Variants in ZPBP observed in about 807,000 individuals in gnomAD.
ZPBP encodes zona pellucida-binding protein 1.
In ZPBP, 26 loss-of-function variants were observed where a neutral mutation model predicts 44.8. That is an observed-to-expected ratio of 0.58 (90% CI 0.43 to 0.81). The LOEUF (loss-of-function observed/expected upper bound fraction) is 0.81, where lower values mean the gene tolerates loss of function less well. Among genes scored for constraint, ZPBP ranks in the 30% least tolerant of loss-of-function variants. The pLI is 0.00. For synonymous variants in ZPBP, 174 were observed against 153.2 expected (o/e 1.14, Z -1.00); for missense variants, 409 against 434.0 (o/e 0.94, Z 0.51).
intron 2 of ZPBP, among the ~76,000 whole-genome samples, chr7:49,889,363 A>G (rs594773): frequency 0.018 from 2,745 of 152,338 alleles, 90 homozygotes; most frequent in African/African-American, 0.063. Flanking sequence ...AAAATAAGAC[A>G]GTATAATTTA....
chr7:49,956,871 C>G (rs1795619819), intron 7 of ZPBP, among the ~76,000 whole-genome samples: 1 of 152,170 alleles, frequency 6.6e-6, no homozygotes, highest in African/African-American at 2.4e-5. Context: ...TAGGAGAAAT[C>G]ACACCACCAA....
intron 2 of ZPBP, among the ~76,000 whole-genome samples, chr7:49,875,104 G>GTTTTTCAGTTACAAGAATTAT (rs1307252720): frequency 6.6e-6 from 1 of 151,468 alleles, no homozygotes; most frequent in Non-Finnish European, 1.5e-5. Flanking sequence ...GGGCACGGTG[G>GTTTTTCAGTTACAAGAATTAT]CTCATGCCTG....
Position 50,057,056 on chromosome 7 carries a change from G to A in ZPBP, c.487+933C>T, listed in dbSNP as rs139927993. Among the ~76,000 whole-genome samples the A allele has an allele frequency of 2.8e-3, 431 of 152,112 alleles. 3 individuals carry two copies. The highest frequency in any genetic ancestry group is 9.6e-3 in the African/African-American group (399 of 41,514). On this transcript the variant is annotated intron_variant, in intron 4 of 7. Coordinates refer to ENST00000046087, the MANE Select transcript of ZPBP (RefSeq NM_007009.3). ...AAAAATTAGCCAGGCGTGGTGGCAC[G>A]TGCCTGTAGTCCCAGCTAGTCGGGA...
intron 3 of ZPBP, among the ~76,000 whole-genome samples, chr7:50,062,712 C>A (rs1801304014): frequency 6.6e-6 from 1 of 152,098 alleles, no homozygotes. Flanking sequence ...AAGGGCAAAG[C>A]AAGATGGCTG....
intron 4 of ZPBP, chr7:50,056,289 T>C (rs1017034206): frequency 6.6e-6 from 1 of 152,226 alleles, no homozygotes; most frequent in Admixed American, 6.5e-5. Context: ...TTGTCATTTC[T>C]AGCTGTAGTG....
intron 7 of ZPBP, among the ~76,000 whole-genome samples, chr7:49,974,516 G>A (rs1687745406): frequency 1.3e-5 from 2 of 151,794 alleles, no homozygotes; most frequent in South Asian, 4.2e-4. Flanking sequence ...TAATAATGAT[G>A]GCAATGAAAA....
chr7:50,066,908 C>T (rs1801533009), intron 3 of ZPBP, among the ~76,000 whole-genome samples: 1 of 152,126 alleles, frequency 6.6e-6, no homozygotes, highest in African/African-American at 2.4e-5. Flanking sequence ...TTGGCTAATC[C>T]ACTGGTCGTC....
Position 49,891,097 on chromosome 7 carries a change from A to G in ZPBP, n.509+10021T>C, listed in dbSNP as rs546530812. ...CAAAGATTTTCAAACACAGTTTCTT[A>G]AACTCCATATTCTGCTTTCAAGGGA... On this transcript the variant is annotated intron_variant and non_coding_transcript_variant, in intron 2 of 2. Transcript: ENST00000465922. 2.6e-5 allele frequency among the ~76,000 whole-genome samples: 4 copies of G among 152,338 alleles called. No individual in the cohort carries two copies. The East Asian group carries it at 7.7e-4, about 29-fold the overall frequency.
chr7:49,982,569 C>T (rs993430977), intron 7 of ZPBP, among the ~76,000 whole-genome samples: 5 of 150,682 alleles, frequency 3.3e-5, no homozygotes, highest in African/African-American at 1.2e-4. Flanking sequence ...AAAAGGAAGA[C>T]CCTCACTGAA....
At chr7:50,055,502 G>A (rs2128828515) in intron 4 of ZPBP, among the ~76,000 whole-genome samples, 1 of 152,236 alleles carries the variant, frequency 6.6e-6, no homozygotes, top group East Asian at 1.9e-4. Context: ...TCTAGGACCA[G>A]AATTCCTAAA....
At chr7:49,884,057 TCA>T (rs1791793519) in intron 2 of ZPBP, among the ~76,000 whole-genome samples, 1 of 152,196 alleles carries the variant, frequency 6.6e-6, no homozygotes, top group Non-Finnish European at 1.5e-5. Context: ...CCTTGGGGCA[TCA>T]CACACTTCAA....
At chr7:49,957,138 G>A (rs1483084) in intron 7 of ZPBP, among the ~76,000 whole-genome samples, 118,227 of 152,052 alleles carry the variant, frequency 0.78, 46,140 homozygotes, top group East Asian at 0.89. Flanking sequence ...CCATCATAAG[G>A]TTACACAATG....
intron 5 of ZPBP, among the ~76,000 whole-genome samples, chr7:50,023,332 T>A (rs751697744): frequency 6.6e-6 from 1 of 152,034 alleles, no homozygotes; most frequent in Admixed American, 6.6e-5. Context: ...ATTACCACTA[T>A]ATTTACAGTG....
intron 4 of ZPBP, among the ~76,000 whole-genome samples, chr7:50,042,073 A>G (rs1800121356): frequency 6.6e-6 from 1 of 152,214 alleles, no homozygotes; most frequent in South Asian, 2.1e-4. Flanking sequence ...AAAGGATATC[A>G]GAGATTGAAG....
chr7:50,028,130 C>T (rs970497356), intron 5 of ZPBP, among the ~76,000 whole-genome samples: 15 of 151,930 alleles, frequency 9.9e-5, no homozygotes, highest in African/African-American at 3.1e-4. Context: ...ATTATGAATG[C>T]AAAATTCTTA....
chr7:49,944,622 G>A (rs1795025453), intron 7 of ZPBP, among the ~76,000 whole-genome samples: 1 of 152,074 alleles, frequency 6.6e-6, no homozygotes, highest in African/African-American at 2.4e-5. Flanking sequence ...GTATCTGTCT[G>A]GGAATGTCTT....
At chr7:50,060,535 T>C (rs1801190836) in intron 3 of ZPBP, among the ~76,000 whole-genome samples, 1 of 152,100 alleles carries the variant, frequency 6.6e-6, no homozygotes. Context: ...TACAAATATG[T>C]CCATGCCCAT....
At chr7:50,051,036 A>G (rs1292177478) in intron 4 of ZPBP, among the ~76,000 whole-genome samples, 2 of 152,110 alleles carry the variant, frequency 1.3e-5, no homozygotes, top group African/African-American at 4.8e-5. Context: ...CACTCTATTC[A>G]TCTGACAAAG....
chr7:49,999,619 A>C (rs1798006484), intron 6 of ZPBP, among the ~76,000 whole-genome samples: 1 of 152,144 alleles, frequency 6.6e-6, no homozygotes, highest in African/African-American at 2.4e-5. Context: ...GTCCCAATCC[A>C]AGTCCTAAGG....
Sources: allele counts gnomAD v4.1 joint callset (sites outside exome capture counted in the v4.1 genomes callset), GRCh38; gene constraint gnomAD v4.1.1; transcripts MANE v1.5; gene names NCBI Gene and HGNC (gene_info 2026-07-23, HGNC 2026-07-21).